The following MICOS10 variants were observed in gnomAD, a reference collection of about 807,000 sequenced individuals.
MICOS10 encodes mitochondrial contact site and cristae organizing system subunit 10.
In MICOS10, 5 loss-of-function variants were observed where a neutral mutation model predicts 13.4. The ratio of observed to expected loss-of-function variants is 0.37; its 90% CI spans 0.20 to 0.78. MICOS10 has a LOEUF of 0.78. Among genes scored for constraint, MICOS10 ranks in the 30% least tolerant of loss-of-function variants. The probability of loss-of-function intolerance (pLI) is 0.47; values close to 1 mark genes in which losing one functional copy is unlikely to be tolerated. For synonymous variants in MICOS10, 35 were observed against 33.6 expected, an observed-to-expected ratio of 1.04 and a Z score of -0.15; for missense variants, 101 against 94.6, an observed-to-expected ratio of 1.07 and a Z score of -0.28.
At chr1:19,608,296 G>A (rs1351166492) in intron 1 of MICOS10, 4 of 1,338,186 alleles carry the variant, frequency 3.0e-6, no homozygotes, top group Admixed American at 1.7e-5. Flanking sequence ...GTGGGATGAA[G>A]GTGAAGGCAG....
At chr1:19,605,515 G>C (rs1003424361) in intron 1 of MICOS10, among the ~76,000 whole-genome samples, 1 of 152,056 alleles carries the variant, frequency 6.6e-6, no homozygotes, top group Non-Finnish European at 1.5e-5. Context: ...ATAATATGTA[G>C]TCTTTTGTAT....
At chr1:19,616,688 G>T (rs2100305867) in intron 1 of MICOS10, among the ~76,000 whole-genome samples, 1 of 152,308 alleles carries the variant, frequency 6.6e-6, no homozygotes, top group South Asian at 2.1e-4. Flanking sequence ...TCACCTTGCT[G>T]CTCTGCTGAC....
chr1:19,608,710 GA>G (rs1171999258), intron 1 of MICOS10: 2 of 568,022 alleles, frequency 3.5e-6, no homozygotes, highest in African/African-American at 1.9e-5. Flanking sequence ...AAGTTTCAAA[GA>G]AAACTGATAT....
chr1:19,628,868 T>C lies in MICOS10; in HGVS notation c.*2467T>C, dbSNP rs2792056. On this transcript the variant is annotated 3_prime_UTR_variant, in exon 4 of 4. Coordinates refer to ENST00000322753, the MANE Select transcript of MICOS10 (RefSeq NM_001032363.4). ...GGGGCATTGGAATGAAAGTTCTCTA[T>C]CTCATTAGCTGTTAGGCTTTAGGCA... 0.11 allele frequency: 16,663 copies of C among 152,142 alleles called. 3,093 individuals are homozygous for C. The highest frequency in any genetic ancestry group is 0.38 in the African/African-American group (15,771 of 41,434). 9.4% of individuals were successfully genotyped at this position (152,142 alleles called of 1,614,324 possible).
chr1:19,623,263 A>G (rs914341984), intron 2 of MICOS10, among the ~76,000 whole-genome samples: 17 of 152,148 alleles, frequency 1.1e-4, no homozygotes, highest in African/African-American at 4.1e-4. Context: ...TAGGCACTTA[A>G]CAAGTATTTG....
At chr1:19,622,260 C>A in intron 2 of MICOS10, 113 bp downstream of exon 2, 1 of 719,472 alleles carries the variant, frequency 1.4e-6, no homozygotes. Flanking sequence ...CCAACCCATC[C>A]ATTTATGGGG....
chr1:19,622,237 A>G (rs2094906302), intron 2 of MICOS10, 90 bp downstream of exon 2: 1 of 1,046,210 alleles, frequency 9.6e-7, no homozygotes, highest in African/African-American at 1.6e-5. Flanking sequence ...GGAACCCATC[A>G]ATTTGTGGGT....
At chr1:19,601,643 G>T (rs1016721894) in intron 1 of MICOS10, among the ~76,000 whole-genome samples, 1 of 151,262 alleles carries the variant, frequency 6.6e-6, no homozygotes, top group Non-Finnish European at 1.5e-5. Context: ...CTGCTTATTC[G>T]GGTTTTAAAA....
intron 1 of MICOS10, among the ~76,000 whole-genome samples, chr1:19,614,025 A>G (rs775763562): frequency 4.6e-5 from 7 of 152,190 alleles, no homozygotes; most frequent in Non-Finnish European, 4.4e-5. Context: ...TTTATTTACT[A>G]TTCCAGAAAA....
At chr1:19,612,016 G>A (rs1459817027) in intron 1 of MICOS10, among the ~76,000 whole-genome samples, 1 of 144,710 alleles carries the variant, frequency 6.9e-6, no homozygotes, top group Non-Finnish European at 1.5e-5. Context: ...TTTTATGAAA[G>A]CTAAATTCTT....
rs1570514029 is a variant in MICOS10, at chr1:19,625,530, G to A, written c.223-857G>A. On this transcript the variant is annotated intron_variant, in intron 3 of 3. Transcript: ENST00000322753. ...AGAAGAGGCGCAGCTGTGTGGCACT[G>A]AAGCCGGCAGCCGGCCTTTTCCACC... is the stretch of plus-strand genomic sequence containing the variant. 1.6e-6 allele frequency: 2 copies of A among 1,289,454 alleles called. No individual in the cohort carries two copies. Among genetic ancestry groups the A allele is most frequent in the Admixed American group, 4.6e-5 (2 of 43,564 alleles). The allele number at this position is 1,289,454 out of a possible 1,614,324, so 79.9% of individuals were successfully genotyped here. A position where few individuals can be genotyped will look rare whatever the true frequency, so the allele number is the denominator to read the frequency against.
intron 1 of MICOS10, chr1:19,600,924 G>A (rs528073233): frequency 7.8e-7 from 1 of 1,289,338 alleles, no homozygotes; most frequent in Admixed American, 2.3e-5. Context: ...TCATACTCTG[G>A]CTTGGCAAAG....
Position 19,629,774 on chromosome 1 carries a change from A to G in MICOS10, c.*3373A>G, listed in dbSNP as rs2094932755. The G allele has an allele frequency of 6.6e-6, 1 of 152,210 alleles. No individual in the cohort carries two copies. The highest frequency in any genetic ancestry group is 2.4e-5 in the African/African-American group (1 of 41,460). 9.4% of individuals were successfully genotyped at this position (152,210 alleles called of 1,614,324 possible). A position where few individuals can be genotyped will look rare whatever the true frequency, so the allele number is the denominator to read the frequency against. Reference sequence around the variant, plus strand: ...TTCGATCTGATTGTATTGTCGAAGGACTATTTTTGAACCTGTCCAAATAAA... The same window carrying G: ...TTCGATCTGATTGTATTGTCGAAGGGCTATTTTTGAACCTGTCCAAATAAA... On this transcript the variant is annotated 3_prime_UTR_variant, in exon 4 of 4. Transcript: ENST00000322753.
Position 19,626,259 on chromosome 1 carries a change from A to G in MICOS10, c.223-128A>G, listed in dbSNP as rs1286190213. On this transcript the variant is annotated intron_variant, in intron 3 of 3. Transcript: ENST00000322753. ...GGTGTACATAGTCCTGTTGTGAGAC[A>G]GTTTTAACGTAAACAGTGTGATAAG... The G allele has an allele frequency of 7.6e-6, 8 of 1,055,326 alleles. No individual in the cohort carries two copies. The East Asian group carries it at 1.9e-4, about 26-fold the overall frequency. 65.4% of individuals were successfully genotyped at this position (1,055,326 alleles called of 1,614,324 possible). A position where few individuals can be genotyped will look rare whatever the true frequency, so the allele number is the denominator to read the frequency against.
At chr1:19,621,560 C>T (rs6675814) in intron 1 of MICOS10, among the ~76,000 whole-genome samples, 1,567 of 152,266 alleles carry the variant, frequency 0.01, 29 homozygotes, top group African/African-American at 0.036. Flanking sequence ...TTGGGCAAGT[C>T]ATTTTCTTCA....
rs1176251350 is a variant in MICOS10 at position 19,627,035 on chromosome 1, C to T, written c.*634C>T. 6.5e-6 allele frequency: 1 copy of T among 153,432 alleles called. No individual in the cohort carries two copies. The highest frequency in any genetic ancestry group is 2.4e-5 in the African/African-American group (1 of 41,472). The allele number at this position is 153,432 out of a possible 1,614,324, so 9.5% of individuals were successfully genotyped here. On this transcript the variant is annotated 3_prime_UTR_variant, in exon 4 of 4. Coordinates refer to ENST00000322753, the MANE Select transcript of MICOS10 (RefSeq NM_001032363.4). ...CCATTGAAGTCAAGTCCTGCAGCTT[C>T]ATAGAGCTTGAGACAGTCCAAGCTT...
chr1:19,608,842 A>G, intron 1 of MICOS10, among the ~76,000 whole-genome samples: 1 of 152,080 alleles, frequency 6.6e-6, no homozygotes, highest in Non-Finnish European at 1.5e-5. Flanking sequence ...AAGGGCTTAG[A>G]ATACATAAAG....
At chr1:19,604,380 G>A (rs1268077927) in intron 1 of MICOS10, among the ~76,000 whole-genome samples, 5 of 152,084 alleles carry the variant, frequency 3.3e-5, no homozygotes, top group African/African-American at 7.2e-5. Context: ...GTGGTGGTAC[G>A]CACCTGTAGT....
intron 1 of MICOS10, among the ~76,000 whole-genome samples, chr1:19,604,409 T>C (rs2100253034): frequency 6.6e-6 from 1 of 152,248 alleles, no homozygotes; most frequent in Middle Eastern, 3.4e-3. Flanking sequence ...CTCGAGAAGC[T>C]GAGGCATGAG....
Sources: gnomAD v4.1 joint callset for allele counts (sites outside exome capture counted in the v4.1 genomes callset) on GRCh38, gnomAD v4.1.1 for gene constraint, MANE v1.5 for transcripts, NCBI Gene and HGNC (gene_info 2026-07-23, HGNC 2026-07-21) for gene names.